Variants in ASIC5 observed in about 807,000 individuals in gnomAD.
ASIC5 encodes acid sensing ion channel subunit family member 5.
A neutral mutation model predicts 51.2 loss-of-function variants in ASIC5; 52 were observed. The observed-to-expected ratio is 1.02, with a 90% CI of 0.81 to 1.28. The LOEUF is 1.28. Among genes scored for constraint, ASIC5 ranks in the 50% most tolerant of loss-of-function variants. The pLI is 0.00. For missense variants in ASIC5, 635 were observed against 595.0 expected (o/e 1.07, Z -0.70); for synonymous variants, 231 against 200.7 (o/e 1.15, Z -1.28).
intron 9 of ASIC5, among the ~76,000 whole-genome samples, chr4:155,831,047 T>C (rs1247638504): frequency 6.6e-6 from 1 of 152,216 alleles, no homozygotes; most frequent in Non-Finnish European, 1.5e-5. Flanking sequence ...CAGCTTCCTC[T>C]AAGATGCGGT....
intron 4 of ASIC5, among the ~76,000 whole-genome samples, chr4:155,847,818 A>T (rs1292087252): frequency 6.6e-6 from 1 of 152,070 alleles, no homozygotes; most frequent in African/African-American, 2.4e-5. Context: ...ACTATTGAGG[A>T]AGAGGTGGGC....
At chr4:155,853,602 GTTATTATATATAATATATAATATA>G (rs2111257114) in intron 3 of ASIC5, among the ~76,000 whole-genome samples, 1 of 2,214 alleles carries the variant, frequency 4.5e-4, no homozygotes, top group Admixed American at 3.5e-3. Flanking sequence ...ATATATACTA[GTTATTATATATAATATATAATATA>G]TAATAATAAT....
At chr4:155,859,735 G>A (rs1741645904) in intron 2 of ASIC5, among the ~76,000 whole-genome samples, 1 of 151,864 alleles carries the variant, frequency 6.6e-6, no homozygotes, top group Non-Finnish European at 1.5e-5. Context: ...GAATTTTAAG[G>A]AAATAAATGT....
intron 7 of ASIC5, among the ~76,000 whole-genome samples, chr4:155,838,477 T>G (rs1263711015): frequency 6.6e-6 from 1 of 152,198 alleles, no homozygotes; most frequent in Non-Finnish European, 1.5e-5. Flanking sequence ...AAAACTTCTA[T>G]TTATTTTTAC....
intron 2 of ASIC5, among the ~76,000 whole-genome samples, chr4:155,856,858 A>G (rs1741555089): frequency 6.6e-6 from 1 of 152,100 alleles, no homozygotes; most frequent in African/African-American, 2.4e-5. Flanking sequence ...GATTATATTC[A>G]AAATGATTAT....
chr4:155,830,706 T>C (rs533761149), intron 9 of ASIC5, among the ~76,000 whole-genome samples: 6 of 152,314 alleles, frequency 3.9e-5, no homozygotes, highest in African/African-American at 9.6e-5. Context: ...GCAGGATGTT[T>C]TCATCTTCCC....
In ASIC5 at chr4:155,854,174, T is replaced by A; in HGVS notation, c.488A>T (p.Asn163Ile). 1 of 1,613,382 alleles carries A rather than the reference T, an allele frequency of 6.2e-7. No homozygotes were observed. The change falls in exon 3 of 10, where the codon AAC becomes ATC. Residue 163 changes from asparagine (N) to isoleucine (I), a missense_variant. Coordinates refer to ENST00000537611, the MANE Select transcript of ASIC5 (RefSeq NM_017419.3). The stretch of plus-strand genomic sequence containing the variant: ...CCTGATAAATTCCACAATGCTGAAG[T>A]TTTGGTGACTTGCAGCAAAATCAGT... ...EATDFAASHQ[N>I]FSIVEFIRNK... is the part of the protein sequence containing the mutation.
chr4:155,863,522 T>C lies in ASIC5; in HGVS notation c.273A>G (p.Pro91=), dbSNP rs1398978381. ...YIRLLNYFTW[P]TTTSIEVQYV... ...ATTGAACCTCAATGGACGTTGTGGT[T>C]GGCCATGTGAAGTAGTTGAGCAAGC... The change falls in exon 2 of 10, where the codon CCA becomes CCG. Residue 91 remains proline (P), a synonymous_variant. Transcript: ENST00000537611. 1.9e-6 allele frequency: 3 copies of C among 1,613,794 alleles called. No individual in the cohort carries two copies. The highest frequency in any genetic ancestry group is 3.3e-5 in the Admixed American group (2 of 59,922).
intron 6 of ASIC5, 79 bp downstream of exon 6, chr4:155,842,128 T>G: frequency 5.2e-6 from 7 of 1,347,734 alleles, no homozygotes; most frequent in Non-Finnish European, 7.3e-6. Context: ...CAATACTCTA[T>G]TTCTCCCAGA....
At chr4:155,860,547 C>G (rs1741675664) in intron 2 of ASIC5, among the ~76,000 whole-genome samples, 1 of 151,800 alleles carries the variant, frequency 6.6e-6, no homozygotes, top group Admixed American at 6.6e-5. Context: ...TAAAATTATA[C>G]TTTGGGAGCT....
chr4:155,859,313 T>C (rs1741633523), intron 2 of ASIC5, among the ~76,000 whole-genome samples: 2 of 152,082 alleles, frequency 1.3e-5, no homozygotes, highest in South Asian at 4.1e-4. Context: ...TTTTTAACAT[T>C]TTTATTGACA....
At chr4:155,845,470 T>G (rs936688726) in intron 4 of ASIC5, among the ~76,000 whole-genome samples, 9 of 151,936 alleles carry the variant, frequency 5.9e-5, no homozygotes, top group African/African-American at 2.2e-4. Flanking sequence ...AAATAGTTAT[T>G]GCAACAGAGG....
chr4:155,853,591 AATAT>A (rs1741441471), intron 3 of ASIC5, among the ~76,000 whole-genome samples: 4 of 131,620 alleles, frequency 3.0e-5, no homozygotes, highest in South Asian at 2.8e-4. Context: ...TATAATATAT[AATAT>A]ATACTAGTTA....
At chr4:155,841,835 G>A (rs747693727) in intron 6 of ASIC5, among the ~76,000 whole-genome samples, 1 of 152,104 alleles carries the variant, frequency 6.6e-6, no homozygotes, top group East Asian at 1.9e-4. Context: ...TGTAAAATTT[G>A]TCAGTCGAAG....
intron 4 of ASIC5, among the ~76,000 whole-genome samples, chr4:155,847,729 A>AAAAT (rs1312735099): frequency 6.6e-6 from 1 of 152,014 alleles, no homozygotes; most frequent in Non-Finnish European, 1.5e-5. Context: ...CTCAGTAAAA[A>AAAAT]AAATAAATAA....
intron 4 of ASIC5, among the ~76,000 whole-genome samples, chr4:155,849,055 T>A (rs1741320064): frequency 6.6e-6 from 1 of 152,122 alleles, no homozygotes; most frequent in Admixed American, 6.6e-5. Context: ...GAATCTGTTT[T>A]CACTTGTAAC....
chr4:155,840,548 A>G (rs1741093605), intron 6 of ASIC5, among the ~76,000 whole-genome samples: 1 of 150,716 alleles, frequency 6.6e-6, no homozygotes, highest in Non-Finnish European at 1.5e-5. Flanking sequence ...GATTTGACCT[A>G]ACTGACTCCA....
chr4:155,853,113 G>T (rs1438239832), intron 3 of ASIC5, among the ~76,000 whole-genome samples: 4 of 152,042 alleles, frequency 2.6e-5, no homozygotes, highest in African/African-American at 9.7e-5. Context: ...TACTAGAACA[G>T]AAATGGGTTT....
chr4:155,843,580 G>T, intron 5 of ASIC5, 101 bp downstream of exon 5: 1 of 1,339,258 alleles, frequency 7.5e-7, no homozygotes, highest in South Asian at 1.4e-5. Flanking sequence ...TTCTAATGGT[G>T]TTTTACAGGC....
Sources: allele counts gnomAD v4.1 joint callset (sites outside exome capture counted in the v4.1 genomes callset), GRCh38; gene constraint gnomAD v4.1.1; transcripts MANE v1.5; gene names NCBI Gene and HGNC (gene_info 2026-07-23, HGNC 2026-07-21).